The following FGGY variants were observed in gnomAD, a reference collection of about 807,000 sequenced individuals.
FGGY encodes FGGY carbohydrate kinase domain-containing protein.
In FGGY, 72 loss-of-function variants were observed where a neutral mutation model predicts 71.3. The ratio of observed to expected loss-of-function variants is 1.01; its 90% CI spans 0.84 to 1.23. The LOEUF (loss-of-function observed/expected upper bound fraction) is 1.23. Ranked by LOEUF, FGGY falls within the 50% of genes most tolerant of loss-of-function variation. FGGY has a pLI of 0.00. For synonymous variants in FGGY, 251 were observed against 250.3 expected, an observed-to-expected ratio of 1.00 and a Z score of -0.02; for missense variants, 668 against 682.3, an observed-to-expected ratio of 0.98 and a Z score of 0.23.
At chr1:59,674,576 G>T (rs563794065) in intron 14 of FGGY, among the ~76,000 whole-genome samples, 2 of 152,022 alleles carry the variant, frequency 1.3e-5, no homozygotes, top group African/African-American at 4.8e-5. Context: ...AATAAAAAAG[G>T]AATTAAAAGG....
intron 14 of FGGY, chr1:59,755,692 A>G (rs2098283777): frequency 6.6e-6 from 1 of 152,222 alleles, no homozygotes; most frequent in Non-Finnish European, 1.5e-5. Context: ...GGAGGGAAGA[A>G]TTCCCTGATG....
At chr1:59,387,949 C>G (rs189441744) in intron 5 of FGGY, among the ~76,000 whole-genome samples, 1 of 152,150 alleles carries the variant, frequency 6.6e-6, no homozygotes, top group South Asian at 2.1e-4. Flanking sequence ...CTCACTCTTT[C>G]TTGCTATTGG....
intron 8 of FGGY, among the ~76,000 whole-genome samples, chr1:59,573,967 G>GT (rs1405502651): frequency 2.0e-5 from 3 of 152,050 alleles, no homozygotes; most frequent in Non-Finnish European, 2.9e-5. Context: ...TTGCATTACT[G>GT]TTTCTAGTCA....
intron 14 of FGGY, among the ~76,000 whole-genome samples, chr1:59,725,532 T>A (rs2097936059): frequency 6.6e-6 from 1 of 152,194 alleles, no homozygotes; most frequent in Non-Finnish European, 1.5e-5. Context: ...TTCAATTTAT[T>A]TATTTCATCA....
At chr1:59,586,097 T>C (rs764476946) in intron 8 of FGGY, among the ~76,000 whole-genome samples, 2 of 152,318 alleles carry the variant, frequency 1.3e-5, no homozygotes, top group East Asian at 1.9e-4. Context: ...TGGAAGTCAG[T>C]GTGGCGATTC....
chr1:59,641,299 A>G (rs376687905), intron 11 of FGGY: 6 of 1,610,892 alleles, frequency 3.7e-6, no homozygotes, highest in African/African-American at 1.4e-5. Context: ...GGATATCTGT[A>G]TATTCCGGCT....
intron 9 of FGGY, among the ~76,000 whole-genome samples, chr1:59,621,983 T>C (rs1265649977): frequency 6.6e-6 from 1 of 152,000 alleles, no homozygotes; most frequent in Non-Finnish European, 1.5e-5. Context: ...AGGGTGTTAA[T>C]TTTTTCAATA....
chr1:59,709,716 C>G (rs2097780626), intron 14 of FGGY, among the ~76,000 whole-genome samples: 1 of 152,204 alleles, frequency 6.6e-6, no homozygotes, highest in African/African-American at 2.4e-5. Context: ...GCAGGCAGGG[C>G]TGGCTACAAT....
intron 1 of FGGY, among the ~76,000 whole-genome samples, chr1:59,302,124 G>C (rs148012255): frequency 4.6e-5 from 7 of 152,006 alleles, no homozygotes; most frequent in African/African-American, 1.7e-4. Context: ...GTGTTCCTGA[G>C]ATAAACCCTA....
At position 59,717,078 on chromosome 1, in the gene FGGY, A is replaced by C. The variant is rs148409331; in HGVS notation, c.1513-40853A>C. ...TGCTCGCCCTTAACCCTCCTTGTCCATTCTGTGATGTAGGTATCATCCTGT... is the reference window on the plus strand; with the variant it reads ...TGCTCGCCCTTAACCCTCCTTGTCCCTTCTGTGATGTAGGTATCATCCTGT... On this transcript the variant is annotated intron_variant, in intron 14 of 15. Transcript: ENST00000303721. Among the ~76,000 whole-genome samples the C allele has an allele frequency of 2.0e-3, 300 of 152,234 alleles. 1 individual carries two copies. The highest frequency in any genetic ancestry group is 3.4e-3 in the Non-Finnish European group (232 of 68,002).
At chr1:59,436,156 A>C (rs1300433414) in intron 5 of FGGY, among the ~76,000 whole-genome samples, 1 of 151,952 alleles carries the variant, frequency 6.6e-6, no homozygotes, top group Non-Finnish European at 1.5e-5. Context: ...TAGCCTCTTC[A>C]CCCTCAATTG....
At chr1:59,453,039 C>T (rs906375192) in intron 5 of FGGY, among the ~76,000 whole-genome samples, 1 of 152,200 alleles carries the variant, frequency 6.6e-6, no homozygotes, top group Non-Finnish European at 1.5e-5. Context: ...AGTACCTTGC[C>T]TTTACCCACT....
At chr1:59,666,731 C>T (rs900924272) in intron 12 of FGGY, among the ~76,000 whole-genome samples, 9 of 152,178 alleles carry the variant, frequency 5.9e-5, no homozygotes, top group South Asian at 2.1e-4. Flanking sequence ...GCAATAGCAG[C>T]GGTAATTTTA....
chr1:59,468,439 C>G (rs1190233625), intron 6 of FGGY, among the ~76,000 whole-genome samples: 1 of 152,156 alleles, frequency 6.6e-6, no homozygotes, highest in Non-Finnish European at 1.5e-5. Context: ...TAGGAAATAT[C>G]ACAGACTCCT....
intron 2 of FGGY, among the ~76,000 whole-genome samples, chr1:59,331,161 C>T (rs2048395995): frequency 6.6e-6 from 1 of 152,084 alleles, no homozygotes; most frequent in South Asian, 2.1e-4. Context: ...CGTAACTGGA[C>T]TTGGCAACAA....
chr1:59,513,870 T>C (rs1296622922), intron 7 of FGGY, among the ~76,000 whole-genome samples: 2 of 152,196 alleles, frequency 1.3e-5, no homozygotes, highest in African/African-American at 2.4e-5. Flanking sequence ...ACTACATGGA[T>C]TTCCAGAGCA....
intron 7 of FGGY, among the ~76,000 whole-genome samples, chr1:59,534,087 C>G (rs1203025247): frequency 6.6e-6 from 1 of 152,002 alleles, no homozygotes; most frequent in Non-Finnish European, 1.5e-5. Flanking sequence ...CTTTGAAAAA[C>G]ATTTAGAAGA....
rs552696902 is a variant in FGGY, at chr1:59,591,856, T to G, written c.904-15947T>G. ...AAACCCTAGAAGAAAAACTAGGCAT[T>G]ACCATTCAGGACATAGGCATGGGCA... On this transcript the variant is annotated intron_variant, in intron 8 of 15. Transcript: ENST00000303721. 7.9e-5 allele frequency among the ~76,000 whole-genome samples: 12 copies of G among 152,280 alleles called. No homozygotes were observed. The South Asian group carries it at 1.2e-3, about 16-fold the overall frequency.
At chr1:59,535,979 A>G (rs1260276454) in intron 7 of FGGY, among the ~76,000 whole-genome samples, 1 of 148,956 alleles carries the variant, frequency 6.7e-6, no homozygotes, top group African/African-American at 2.6e-5. Context: ...AAATAACTAA[A>G]ATCACAGCAG....
Sources: allele counts gnomAD v4.1 joint callset (sites outside exome capture counted in the v4.1 genomes callset), GRCh38; gene constraint gnomAD v4.1.1; transcripts MANE v1.5; gene names NCBI Gene and HGNC (gene_info 2026-07-23, HGNC 2026-07-21).